Variants in KCNJ6 observed in about 807,000 individuals in gnomAD.
KCNJ6 encodes the protein potassium inwardly rectifying channel subfamily J member 6.
A neutral mutation model predicts 34.2 loss-of-function variants in KCNJ6; 9 were observed. That is an observed-to-expected ratio of 0.26 (90% CI 0.16 to 0.46). The LOEUF (loss-of-function observed/expected upper bound fraction) is 0.46, where lower values mean the gene tolerates loss of function less well. Among genes scored for constraint, KCNJ6 ranks in the 20% least tolerant of loss-of-function variants. The pLI, the probability that KCNJ6 is intolerant of heterozygous loss-of-function variation, is 1.00. For missense variants in KCNJ6, 236 were observed against 531.3 expected (o/e 0.44, Z 5.46); for synonymous variants, 196 against 207.1 (o/e 0.95, Z 0.46).
intron 2 of KCNJ6, among the ~76,000 whole-genome samples, chr21:37,731,793 G>A (rs763913782): frequency 6.6e-6 from 1 of 152,240 alleles, no homozygotes; most frequent in Non-Finnish European, 1.5e-5. Flanking sequence ...ATAGTGCTCA[G>A]GAGGAGCAGA....
At chr21:37,873,795 C>T (rs1038002735) in intron 1 of KCNJ6, among the ~76,000 whole-genome samples, 19 of 152,114 alleles carry the variant, frequency 1.2e-4, no homozygotes, top group African/African-American at 4.1e-4. Flanking sequence ...TACAAGGGAA[C>T]ATCCACAAAC....
intron 2 of KCNJ6, among the ~76,000 whole-genome samples, chr21:37,721,171 AAAG>A: frequency 6.6e-6 from 1 of 152,344 alleles, no homozygotes; most frequent in South Asian, 2.1e-4. Context: ...AAACAAATGA[AAAG>A]AAATTCTTCA....
intron 2 of KCNJ6, among the ~76,000 whole-genome samples, chr21:37,832,074 T>C (rs961004580): frequency 5.3e-5 from 8 of 152,004 alleles, no homozygotes; most frequent in Admixed American, 3.3e-4. Context: ...TGGGTGGTTG[T>C]CACTGCAGAG....
chr21:37,856,769 A>G (rs1418374086), intron 1 of KCNJ6, among the ~76,000 whole-genome samples: 1 of 152,140 alleles, frequency 6.6e-6, no homozygotes. Context: ...AAGATAAAAA[A>G]TCAGTATGGT....
At chr21:37,908,715 C>T (rs1434547373) in intron 1 of KCNJ6, among the ~76,000 whole-genome samples, 12 of 152,100 alleles carry the variant, frequency 7.9e-5, no homozygotes, top group Non-Finnish European at 1.3e-4. Context: ...CAACATATCC[C>T]AACTAATTTA....
chr21:37,869,382 A>C (rs920067887), intron 1 of KCNJ6, among the ~76,000 whole-genome samples: 1 of 152,264 alleles, frequency 6.6e-6, no homozygotes, highest in Non-Finnish European at 1.5e-5. Flanking sequence ...GTTTTTACAG[A>C]TCTGAGTGGA....
intron 2 of KCNJ6, among the ~76,000 whole-genome samples, chr21:37,808,475 C>T (rs2055304705): frequency 6.6e-6 from 1 of 152,208 alleles, no homozygotes; most frequent in Non-Finnish European, 1.5e-5. Flanking sequence ...CACAAAGATA[C>T]ATGAATCATC....
At chr21:37,858,392 C>CAAAAAAAAA (rs60814205) in intron 1 of KCNJ6, among the ~76,000 whole-genome samples, 13 of 54,526 alleles carry the variant, frequency 2.4e-4, no homozygotes, top group Admixed American at 6.7e-4. Flanking sequence ...GACTCCGTCT[C>CAAAAAAAAA]AAAAAAAAAA....
intron 2 of KCNJ6, among the ~76,000 whole-genome samples, chr21:37,738,366 G>A (rs2054923893): frequency 6.6e-6 from 1 of 152,146 alleles, no homozygotes; most frequent in South Asian, 2.1e-4. Context: ...CATTGGCAAA[G>A]CCTGTGTGCT....
chr21:37,913,616 G>A (rs968762217), intron 1 of KCNJ6, among the ~76,000 whole-genome samples: 2 of 152,116 alleles, frequency 1.3e-5, no homozygotes, highest in Non-Finnish European at 2.9e-5. Flanking sequence ...TCATGAGTTC[G>A]AGACCAGCCT....
chr21:37,647,346 G>A (rs1490986528), intron 3 of KCNJ6, among the ~76,000 whole-genome samples: 1 of 152,148 alleles, frequency 6.6e-6, no homozygotes, highest in Non-Finnish European at 1.5e-5. Context: ...GGTCGGGATG[G>A]AGGGGAAGCT....
chr21:37,881,243 T>C (rs1390564203), intron 1 of KCNJ6, among the ~76,000 whole-genome samples: 1 of 152,202 alleles, frequency 6.6e-6, no homozygotes, highest in Non-Finnish European at 1.5e-5. Flanking sequence ...GAGAAAGTTG[T>C]AGAAAGTAAA....
chr21:37,715,768 T>C (rs959924024), intron 2 of KCNJ6, among the ~76,000 whole-genome samples: 2 of 152,106 alleles, frequency 1.3e-5, no homozygotes, highest in Non-Finnish European at 2.9e-5. Context: ...AAAAGCCATA[T>C]GAGACACAGG....
At chr21:37,729,805 G>A (rs974089605) in intron 2 of KCNJ6, among the ~76,000 whole-genome samples, 6 of 152,222 alleles carry the variant, frequency 3.9e-5, no homozygotes, top group Admixed American at 2.6e-4. Context: ...ACACATGCCC[G>A]TTCATAGGGC....
chr21:37,799,798 G>C (rs956948267), intron 2 of KCNJ6, among the ~76,000 whole-genome samples: 4 of 152,074 alleles, frequency 2.6e-5, no homozygotes, highest in African/African-American at 7.2e-5. Context: ...TTTAGTTTGG[G>C]CATCTTCCCA....
intron 2 of KCNJ6, among the ~76,000 whole-genome samples, chr21:37,829,349 T>C (rs921609242): frequency 6.6e-6 from 1 of 152,302 alleles, no homozygotes; most frequent in East Asian, 1.9e-4. Flanking sequence ...TTTTCTACTT[T>C]GGGCTGGAGC....
At chr21:37,724,931 G>T (rs1304317382) in intron 2 of KCNJ6, among the ~76,000 whole-genome samples, 1 of 152,122 alleles carries the variant, frequency 6.6e-6, no homozygotes, top group Non-Finnish European at 1.5e-5. Flanking sequence ...AGAAGTGTAA[G>T]ATGTCTTAAA....
intron 1 of KCNJ6, among the ~76,000 whole-genome samples, chr21:37,870,281 T>C (rs1406182027): frequency 6.9e-6 from 1 of 144,506 alleles, no homozygotes; most frequent in Non-Finnish European, 1.5e-5. Context: ...TGGCATTGTA[T>C]CTCTGGTGAG....
chr21:37,771,557 T>A (rs1013969495), intron 2 of KCNJ6, among the ~76,000 whole-genome samples: 73 of 152,328 alleles, frequency 4.8e-4, no homozygotes, highest in African/African-American at 1.7e-3. Flanking sequence ...TTGAGCTGAC[T>A]TTCTAGTGGG....
Sources: gnomAD v4.1 joint callset for allele counts (sites outside exome capture counted in the v4.1 genomes callset) on GRCh38, gnomAD v4.1.1 for gene constraint, MANE v1.5 for transcripts, NCBI Gene and HGNC (gene_info 2026-07-23, HGNC 2026-07-21) for gene names.